CFAP91: variants seen among roughly 807,000 people sequenced by gnomAD.
CFAP91 encodes cilia- and flagella-associated protein 91.
Under a neutral mutation model 95.9 loss-of-function variants are expected in CFAP91, and 85 were observed. That is an observed-to-expected ratio of 0.89 (90% CI 0.74 to 1.06). The LOEUF (loss-of-function observed/expected upper bound fraction) is 1.06, where lower values mean the gene tolerates loss of function less well. CFAP91 is among the 50% of genes least tolerant of loss of function. CFAP91 has a pLI of 0.00. For synonymous variants in CFAP91, 335 were observed against 327.5 expected (o/e 1.02, Z -0.25); for missense variants, 962 against 943.4 (o/e 1.02, Z -0.26).
chr3:119,727,902 G>C (rs924155274), intron 7 of CFAP91, among the ~76,000 whole-genome samples: 1 of 152,084 alleles, frequency 6.6e-6, no homozygotes, highest in South Asian at 2.1e-4. Context: ...ACCAATACTT[G>C]AGAAGTGTTG....
chr3:119,711,753 C>A (rs867515408), intron 5 of CFAP91, among the ~76,000 whole-genome samples: 1 of 152,228 alleles, frequency 6.6e-6, no homozygotes, highest in Non-Finnish European at 1.5e-5. Context: ...CTTCTCCAGC[C>A]ACACCCTTTT....
At chr3:119,709,628 G>T (rs1050251942) in intron 4 of CFAP91, among the ~76,000 whole-genome samples, 3 of 152,156 alleles carry the variant, frequency 2.0e-5, no homozygotes, top group African/African-American at 4.8e-5. Context: ...TATATGTACT[G>T]AATCTCATGG....
At position 119,733,282 on chromosome 3, in the gene CFAP91, A is replaced by C. The variant is rs1406421464; in HGVS notation, c.1202-82A>C. On this transcript the variant is annotated intron_variant, in intron 9 of 17. Transcript: ENST00000273390. Reference sequence around the variant, plus strand: ...CAATTCTAATGAAACTGCTTGGCAAACAGCTACAAAAGTTAACAATATACC... The same window carrying C: ...CAATTCTAATGAAACTGCTTGGCAACCAGCTACAAAAGTTAACAATATACC... The C allele has an allele frequency of 7.6e-6, 11 of 1,450,748 alleles. No homozygotes were observed. The South Asian group carries it at 1.5e-4, about 19-fold the overall frequency. The allele number at this position is 1,450,748 out of a possible 1,614,324, so 89.9% of individuals were successfully genotyped here.
chr3:119,759,213 A>G, intron 17 of CFAP91, among the ~76,000 whole-genome samples: 1 of 152,054 alleles, frequency 6.6e-6, no homozygotes, highest in East Asian at 1.9e-4. Flanking sequence ...AAAATAATCC[A>G]CAGTATGAAT....
intron 17 of CFAP91, among the ~76,000 whole-genome samples, chr3:119,759,934 AT>A (rs1327152705): frequency 6.6e-6 from 1 of 151,922 alleles, no homozygotes; most frequent in Non-Finnish European, 1.5e-5. Flanking sequence ...AAGTCACCTA[AT>A]TACAAAGGAA....
intron 6 of CFAP91, among the ~76,000 whole-genome samples, chr3:119,716,828 G>A (rs1387830095): frequency 6.6e-6 from 1 of 152,080 alleles, no homozygotes; most frequent in East Asian, 1.9e-4. Flanking sequence ...CTGACCTCGT[G>A]ATCTGCCCAC....
At chr3:119,721,851 G>C (rs370618840) in intron 6 of CFAP91, among the ~76,000 whole-genome samples, 10 of 152,252 alleles carry the variant, frequency 6.6e-5, no homozygotes, top group African/African-American at 2.4e-4. Context: ...TACATCAGTC[G>C]CTTTCCTATA....
intron 5 of CFAP91, among the ~76,000 whole-genome samples, chr3:119,712,015 A>G (rs2053481242): frequency 1.3e-5 from 2 of 152,206 alleles, no homozygotes; most frequent in South Asian, 4.1e-4. Flanking sequence ...GATAGAACAC[A>G]TAGAGCAGCC....
intron 17 of CFAP91, among the ~76,000 whole-genome samples, chr3:119,764,010 A>T (rs1577255159): frequency 1.3e-5 from 2 of 152,098 alleles, no homozygotes; most frequent in African/African-American, 4.8e-5. Context: ...AAGTATATGA[A>T]GTAGTGCATA....
intron 3 of CFAP91, among the ~76,000 whole-genome samples, chr3:119,708,274 A>G (rs2053410123): frequency 6.6e-6 from 1 of 152,082 alleles, no homozygotes; most frequent in Admixed American, 6.6e-5. Context: ...CAAAAAAAAA[A>G]AAAAAAAAAA....
chr3:119,746,565 A>G (rs1159924882), intron 14 of CFAP91, among the ~76,000 whole-genome samples: 2 of 152,322 alleles, frequency 1.3e-5, no homozygotes, highest in African/African-American at 4.8e-5. Context: ...GAAGAGAGAA[A>G]AAAGGAAGCC....
chr3:119,755,384 G>A (rs887151589), intron 17 of CFAP91, among the ~76,000 whole-genome samples: 3 of 152,124 alleles, frequency 2.0e-5, no homozygotes, highest in African/African-American at 7.2e-5. Flanking sequence ...AGAGAATTAG[G>A]TTTAGAGAAG....
At chr3:119,731,685 C>T (rs748254803) in intron 8 of CFAP91, among the ~76,000 whole-genome samples, 9 of 152,264 alleles carry the variant, frequency 5.9e-5, no homozygotes, top group South Asian at 2.1e-4. Flanking sequence ...CCATTGAAAA[C>T]GCACAATGCA....
At chr3:119,736,341 C>T (rs1217577218) in intron 10 of CFAP91, among the ~76,000 whole-genome samples, 2 of 147,442 alleles carry the variant, frequency 1.4e-5, no homozygotes, top group Admixed American at 6.8e-5. Flanking sequence ...GTGCGATCTC[C>T]GCTCACTGCA....
chr3:119,707,079 T>A, intron 2 of CFAP91, 194 bp downstream of exon 2: 1 of 571,308 alleles, frequency 1.8e-6, no homozygotes, highest in Non-Finnish European at 3.1e-6. Context: ...TCACCAATAA[T>A]GAACAGAGAA....
intron 5 of CFAP91, among the ~76,000 whole-genome samples, chr3:119,714,666 G>T (rs1022324753): frequency 1.3e-5 from 2 of 152,020 alleles, no homozygotes; most frequent in Non-Finnish European, 2.9e-5. Flanking sequence ...TTTCCATGGG[G>T]TATTTAACTG....
At chr3:119,746,748 C>G (rs1324071642) in intron 14 of CFAP91, among the ~76,000 whole-genome samples, 2 of 152,168 alleles carry the variant, frequency 1.3e-5, no homozygotes, top group Non-Finnish European at 2.9e-5. Flanking sequence ...CAGAATACCT[C>G]CTAGTCTGTG....
intron 3 of CFAP91, among the ~76,000 whole-genome samples, chr3:119,708,340 TG>T (rs1468922147): frequency 1.3e-5 from 2 of 152,106 alleles, no homozygotes; most frequent in Non-Finnish European, 2.9e-5. Context: ...TGGGCATTTT[TG>T]TATGTGGGAT....
intron 17 of CFAP91, among the ~76,000 whole-genome samples, chr3:119,752,933 A>G (rs868595123): frequency 1.3e-5 from 2 of 152,322 alleles, no homozygotes; most frequent in Non-Finnish European, 2.9e-5. Flanking sequence ...GCTGTCCCCA[A>G]AGTATATCCT....
Sources: allele counts gnomAD v4.1 joint callset (sites outside exome capture counted in the v4.1 genomes callset), GRCh38; gene constraint gnomAD v4.1.1; transcripts MANE v1.5; gene names NCBI Gene and HGNC (gene_info 2026-07-23, HGNC 2026-07-21).